Variants in PPM1B observed in about 807,000 individuals in gnomAD.
PPM1B encodes protein phosphatase 1B.
Under a neutral mutation model 43.0 loss-of-function variants are expected in PPM1B, and 22 were observed. The ratio of observed to expected loss-of-function variants is 0.51; its 90% CI spans 0.37 to 0.73. The LOEUF is 0.73. Among genes scored for constraint, PPM1B ranks in the 30% least tolerant of loss-of-function variants. PPM1B has a pLI of 0.00. For synonymous variants in PPM1B, 217 were observed against 197.9 expected (o/e 1.10, Z -0.81); for missense variants, 632 against 584.2 (o/e 1.08, Z -0.84).
rs1295128086 is a variant in PPM1B at position 44,240,655 on chromosome 2, T to A, written n.1547-3573T>A. Among the ~76,000 whole-genome samples, 3 of 146,326 alleles carry A rather than the reference T, an allele frequency of 2.1e-5. 1 individual carries two copies. The highest frequency in any genetic ancestry group is 4.6e-5 in the Non-Finnish European group (3 of 65,490). ...GCAAGTGCTTCACCCTGGTCCCAGA[T>A]GATATGTGAATTCCTGGGCCTTTGA... On this transcript the variant is annotated intron_variant and non_coding_transcript_variant, in intron 5 of 5. Transcript: ENST00000378540.
chr2:44,214,210 G>C (rs1669614530), intron 3 of PPM1B, among the ~76,000 whole-genome samples: 1 of 152,112 alleles, frequency 6.6e-6, no homozygotes, highest in Non-Finnish European at 1.5e-5. Context: ...CTCCGAAGTA[G>C]CTGGGACTAC....
chr2:44,224,224 G>A (rs1276064838), intron 5 of PPM1B, among the ~76,000 whole-genome samples: 1 of 152,152 alleles, frequency 6.6e-6, no homozygotes, highest in African/African-American at 2.4e-5. Context: ...GGGAGGCCGA[G>A]GTGGGCGGAT....
At position 44,226,704 on chromosome 2, in the gene PPM1B, A is replaced by AT. The variant is rs202051028; in HGVS notation, c.1135-3700dup. Among the ~76,000 whole-genome samples the AT allele has an allele frequency of 4.2e-3, 424 of 100,322 alleles. 1 individual carries two copies. Among genetic ancestry groups the AT allele is most frequent in the African/African-American group, 0.015 (401 of 26,110 alleles). 65.8% of individuals were successfully genotyped at this position (100,322 alleles called of 152,430 possible). A position where few individuals can be genotyped will look rare whatever the true frequency, so the allele number is the denominator to read the frequency against. ...GCAGATTTTGTTTTAATGTCCTGTAATTTTTTTTTAATAAAATGGTAGGTT... is the reference window on the plus strand; with the variant it reads ...GCAGATTTTGTTTTAATGTCCTGTAATTTTTTTTTTAATAAAATGGTAGGTT... On this transcript the variant is annotated intron_variant, in intron 5 of 5. Transcript: ENST00000282412.
intron 1 of PPM1B, among the ~76,000 whole-genome samples, chr2:44,177,345 C>G (rs1469720334): frequency 6.6e-6 from 1 of 150,694 alleles, no homozygotes; most frequent in African/African-American, 2.4e-5. Context: ...TAGTCCTAAA[C>G]TTAAGGAAAT....
At position 44,204,685 on chromosome 2, in the gene PPM1B, C is replaced by T. The variant is rs377059760; in HGVS notation, c.846+2640C>T. 1.4e-4 allele frequency among the ~76,000 whole-genome samples: 21 copies of T among 151,774 alleles called. No individual in the cohort carries two copies. The East Asian group carries it at 2.5e-3, about 18-fold the overall frequency. On this transcript the variant is annotated intron_variant, in intron 2 of 5. Transcript: ENST00000282412. Reference sequence around the variant, plus strand: ...CATCCTGGCTAACGCAGTGAAACCCCGTCTCTATTAAAAAATAGAAAAAAT... The same window carrying T: ...CATCCTGGCTAACGCAGTGAAACCCTGTCTCTATTAAAAAATAGAAAAAAT...
chr2:44,175,774 A>G (rs1396277849), intron 1 of PPM1B, among the ~76,000 whole-genome samples: 1 of 149,722 alleles, frequency 6.7e-6, no homozygotes, highest in South Asian at 2.1e-4. Flanking sequence ...AGAGAAAGAC[A>G]TTGGTTTGAG....
downstream of PPM1B, among the ~76,000 whole-genome samples, chr2:44,236,965 ATAT>A (rs913888160): frequency 2.0e-5 from 3 of 152,248 alleles, no homozygotes; most frequent in African/African-American, 7.2e-5. Flanking sequence ...TGTTTTTCAC[ATAT>A]TAGACAATTC....
At chr2:44,174,052 A>G (rs1388212179) in intron 1 of PPM1B, among the ~76,000 whole-genome samples, 1 of 152,248 alleles carries the variant, frequency 6.6e-6, no homozygotes, top group South Asian at 2.1e-4. Context: ...TACATTTGAC[A>G]TGGTTTATAA....
intron 3 of PPM1B, 193 bp downstream of exon 3, chr2:44,209,520 A>G (rs1422079923): frequency 1.5e-5 from 8 of 544,744 alleles, no homozygotes; most frequent in East Asian, 3.7e-5. Flanking sequence ...AGTGGCTCAC[A>G]CCTGTAATCC....
intron 5 of PPM1B, among the ~76,000 whole-genome samples, chr2:44,220,940 C>T (rs1439789948): frequency 1.3e-5 from 2 of 152,110 alleles, no homozygotes; most frequent in African/African-American, 4.8e-5. Context: ...TCTTTTTTGG[C>T]TAAAGCAGAG....
chr2:44,209,459 G>C, intron 3 of PPM1B, 132 bp downstream of exon 3: 318 of 951,532 alleles, frequency 3.3e-4, no homozygotes, highest in Non-Finnish European at 4.4e-4. Context: ...GAGAGGGAAA[G>C]TATTCTTTTT....
At chr2:44,234,724 CT>C (rs569232238), downstream of PPM1B, 66 of 526,798 alleles carry the variant, frequency 1.3e-4, no homozygotes, top group African/African-American at 1.3e-3. Flanking sequence ...CTCCAGTGAA[CT>C]TTTGCTTTTG....
At position 44,218,513 on chromosome 2, in the gene PPM1B, G is replaced by A. The variant is rs746019679; in HGVS notation, c.1110G>A (p.Leu370=). 41 of 1,583,932 alleles carry A rather than the reference G, an allele frequency of 2.6e-5. No individual in the cohort carries two copies. ...RNVIEAVYSR[L]NPHRESDGAS... is the part of the protein sequence containing the mutation. Reference sequence around the variant, plus strand: ...TTATTGAAGCTGTTTATAGTAGACTGAATCCACATAGAGAAAGTGATGGGG... The same window carrying A: ...TTATTGAAGCTGTTTATAGTAGACTAAATCCACATAGAGAAAGTGATGGGG... Residue 370 remains leucine (L), a synonymous_variant, in exon 5 of 6, where the codon CTG becomes CTA. Coordinates refer to ENST00000282412, the MANE Select transcript of PPM1B (RefSeq NM_002706.6).
At chr2:44,177,385 G>C (rs1055780560) in intron 1 of PPM1B, among the ~76,000 whole-genome samples, 3 of 147,734 alleles carry the variant, frequency 2.0e-5, no homozygotes, top group African/African-American at 7.5e-5. Context: ...CTGTTCTGGA[G>C]TGTTTGGAAT....
At chr2:44,233,882 C>T (rs1448611953), downstream of PPM1B, 12 of 985,320 alleles carry the variant, frequency 1.2e-5, no homozygotes, top group Admixed American at 6.2e-5. Context: ...TGTCCCTTTA[C>T]TGGGTTTGGG....
At chr2:44,223,913 C>G (rs771303366) in intron 5 of PPM1B, among the ~76,000 whole-genome samples, 10 of 148,988 alleles carry the variant, frequency 6.7e-5, no homozygotes, top group Admixed American at 1.3e-4. Flanking sequence ...ATAACACTTA[C>G]CTTTGCTATG....
chr2:44,185,385 G>A lies in PPM1B; in HGVS notation c.-14-15801G>A, dbSNP rs185445936. On this transcript the variant is annotated intron_variant, in intron 1 of 5. Coordinates refer to ENST00000282412, the MANE Select transcript of PPM1B (RefSeq NM_002706.6). ...ATAAATACTTTTCATAGGTCTGCAT[G>A]TAGTTTGGTTTTTAGAGCACACTGT... Among the ~76,000 whole-genome samples the A allele has an allele frequency of 8.0e-4, 122 of 152,296 alleles. No individual in the cohort carries two copies. The Middle Eastern group carries it at 0.014, about 17-fold the overall frequency.
intron 2 of PPM1B, among the ~76,000 whole-genome samples, chr2:44,207,935 C>G (rs1203831304): frequency 1.4e-5 from 2 of 138,630 alleles, no homozygotes. Context: ...GTTGCCCAGG[C>G]TGGAGTACAG....
downstream of PPM1B, among the ~76,000 whole-genome samples, chr2:44,236,421 A>AAAAAAAAAAAAAAAAG (rs1670615257): frequency 7.1e-6 from 1 of 141,296 alleles, no homozygotes; most frequent in Non-Finnish European, 1.6e-5. Flanking sequence ...AAAAAAAAAA[A>AAAAAAAAAAAAAAAAG]AAAAAAGTTG....
Sources: allele counts gnomAD v4.1 joint callset (sites outside exome capture counted in the v4.1 genomes callset), GRCh38; gene constraint gnomAD v4.1.1; transcripts MANE v1.5; gene names NCBI Gene and HGNC (gene_info 2026-07-23, HGNC 2026-07-21).